CAST: variants seen among roughly 807,000 people sequenced by gnomAD.
CAST encodes the protein calpastatin.
A neutral mutation model predicts 119.6 loss-of-function variants in CAST; 76 were observed. That is an observed-to-expected ratio of 0.64 (90% CI 0.53 to 0.77). The LOEUF (loss-of-function observed/expected upper bound fraction) is 0.77. Among genes scored for constraint, CAST ranks in the 30% least tolerant of loss-of-function variants. The pLI is 0.00. For synonymous variants in CAST, 319 were observed against 331.6 expected (o/e 0.96, Z 0.41); for missense variants, 953 against 946.5 (o/e 1.01, Z -0.09).
At chr5:96,194,153 T>A in the CAST span, among the ~76,000 whole-genome samples, 71 of 152,280 alleles carry the variant, frequency 4.7e-4, no homozygotes, top group African/African-American at 1.7e-3. Flanking sequence ...TACACCTGAC[T>A]AGACTCCTGC....
the CAST span, among the ~76,000 whole-genome samples, chr5:96,518,401 G>C: frequency 6.6e-6 from 1 of 152,174 alleles, no homozygotes; most frequent in Non-Finnish European, 1.5e-5. Flanking sequence ...TGAGAGACTC[G>C]TGCTTCAACA....
the CAST span, among the ~76,000 whole-genome samples, chr5:96,477,515 A>G: frequency 1.3e-5 from 2 of 152,326 alleles, no homozygotes; most frequent in East Asian, 1.9e-4. Flanking sequence ...GTTATCAGCA[A>G]TTACTCTTAC....
At chr5:96,193,138 A>G in the CAST span, among the ~76,000 whole-genome samples, 1 of 152,218 alleles carries the variant, frequency 6.6e-6, no homozygotes, top group Non-Finnish European at 1.5e-5. Flanking sequence ...AGCATATGTC[A>G]AACTACCAGT....
the CAST span, among the ~76,000 whole-genome samples, chr5:96,504,236 G>T: frequency 6.6e-6 from 1 of 152,058 alleles, no homozygotes; most frequent in African/African-American, 2.4e-5. Context: ...GCGCTATCTG[G>T]CCCCATCAGC....
At chr5:96,689,259 A>T (rs1752444078) in intron 2 of CAST, among the ~76,000 whole-genome samples, 1 of 152,204 alleles carries the variant, frequency 6.6e-6, no homozygotes, top group South Asian at 2.1e-4. Context: ...CCTTGTAGGG[A>T]CAATCTTATC....
the CAST span, among the ~76,000 whole-genome samples, chr5:96,222,656 T>C: frequency 5.3e-5 from 8 of 152,034 alleles, no homozygotes; most frequent in Non-Finnish European, 1.0e-4. Flanking sequence ...TTATACACCA[T>C]TGATGGGAAT....
chr5:95,980,774 G>A, the CAST span, among the ~76,000 whole-genome samples: 1 of 152,108 alleles, frequency 6.6e-6, no homozygotes, highest in Non-Finnish European at 1.5e-5. Context: ...TGGCAGAGAA[G>A]GCATGTCAGG....
At chr5:96,258,450 T>A in the CAST span, among the ~76,000 whole-genome samples, 1 of 152,238 alleles carries the variant, frequency 6.6e-6, no homozygotes, top group Non-Finnish European at 1.5e-5. Context: ...AGATAAATGC[T>A]TTTTCACATT....
rs569012924 is a variant in CAST, at chr5:96,601,106, T to C, written c.60+71226T>C. 8.5e-5 allele frequency among the ~76,000 whole-genome samples: 13 copies of C among 152,276 alleles called. No homozygotes were observed. The South Asian group carries it at 2.7e-3, about 32-fold the overall frequency. ...TGTGAATGTCTCTCTCCCTCTCTCC[T>C]TCAACATCTCCTTCCCTTACTCCTC... is the stretch of plus-strand genomic sequence containing the variant. On this transcript the variant is annotated intron_variant, in intron 1 of 11. Transcript: ENST00000505143.
In CAST at chr5:96,747,369, C is replaced by T. The variant is rs776045205; in HGVS notation, c.1309C>T (p.Pro437Ser). Residue 437 changes from proline (P) to serine (S), a missense_variant, in exon 18 of 32, where the codon CCA (proline) becomes TCA (serine). By Grantham distance (74) the Pro-to-Ser change is moderately conservative. Transcript: ENST00000675179. ...GGATAAAGATGGAAAACCACTATTG[C>T]CAGAGCCTGAAGAAAAACCCAAGGT... Reference protein sequence around the residue: ...ATDKDGKPLLPEPEEKPKPRS... With the variant: ...ATDKDGKPLLSEPEEKPKPRS... The T allele has an allele frequency of 4.8e-5, 76 of 1,595,176 alleles. No individual in the cohort carries two copies. The Admixed American group carries it at 1.3e-3, about 27-fold the overall frequency.
chr5:96,203,979 CT>C, the CAST span, among the ~76,000 whole-genome samples: 1 of 151,900 alleles, frequency 6.6e-6, no homozygotes, highest in East Asian at 1.9e-4. Context: ...TTGTGGGAAG[CT>C]AATTATGAGT....
intron 1 of CAST, among the ~76,000 whole-genome samples, chr5:96,613,986 T>C (rs1262842302): frequency 6.6e-6 from 1 of 152,218 alleles, no homozygotes; most frequent in African/African-American, 2.4e-5. Context: ...CTGGGTATCC[T>C]CACAGCCCTA....
At chr5:96,371,624 G>C in the CAST span, among the ~76,000 whole-genome samples, 2 of 152,156 alleles carry the variant, frequency 1.3e-5, no homozygotes, top group Admixed American at 1.3e-4. Flanking sequence ...GTAAATCACA[G>C]GAAAGAAGGA....
the CAST span, among the ~76,000 whole-genome samples, chr5:96,339,435 A>G: frequency 1.3e-5 from 2 of 152,222 alleles, no homozygotes; most frequent in African/African-American, 4.8e-5. Flanking sequence ...AGTTATTGCC[A>G]TTCACTAATT....
the CAST span, among the ~76,000 whole-genome samples, chr5:95,982,540 G>A: frequency 1.3e-5 from 2 of 152,152 alleles, no homozygotes; most frequent in Non-Finnish European, 2.9e-5. Flanking sequence ...CTCCAGGCCT[G>A]TTTTCTTATC....
Position 96,753,536 on chromosome 5 carries a change from T to G in CAST, c.1525-524T>G, listed in dbSNP as rs191498381. On this transcript the variant is annotated intron_variant, in intron 20 of 31. Transcript: ENST00000675179. ...TTCTCACTGTGCCATTCAGGTTAGT[T>G]GGTCACAGGCAGAGTCATCAGAACC... 1.9e-3 allele frequency among the ~76,000 whole-genome samples: 288 copies of G among 152,314 alleles called. 2 individuals are homozygous for G. Among genetic ancestry groups the G allele is most frequent in the African/African-American group, 6.6e-3 (276 of 41,558 alleles).
At chr5:96,657,752 G>C (rs561478584), upstream of CAST, among the ~76,000 whole-genome samples, 1 of 152,268 alleles carries the variant, frequency 6.6e-6, no homozygotes, top group South Asian at 2.1e-4. Flanking sequence ...AAAGTGGCAA[G>C]ATTTCAAAAA....
chr5:96,671,580 G>A (rs1750081508), intron 1 of CAST, among the ~76,000 whole-genome samples: 1 of 152,218 alleles, frequency 6.6e-6, no homozygotes, highest in African/African-American at 2.4e-5. Context: ...CAAGGCGACA[G>A]TGGGTACTCC....
At chr5:96,699,227 T>A (rs1328479100) in intron 3 of CAST, among the ~76,000 whole-genome samples, 1 of 152,200 alleles carries the variant, frequency 6.6e-6, no homozygotes, top group Non-Finnish European at 1.5e-5. Flanking sequence ...CTGGAAGACT[T>A]GTCAGACAAC....
Sources: allele counts gnomAD v4.1 joint callset (sites outside exome capture counted in the v4.1 genomes callset), GRCh38; gene constraint gnomAD v4.1.1; transcripts MANE v1.5; gene names NCBI Gene and HGNC (gene_info 2026-07-23, HGNC 2026-07-21).